Variants in SLC9B2 observed in about 807,000 individuals in gnomAD.
SLC9B2 encodes the protein sodium/hydrogen exchanger 9B2.
A neutral mutation model predicts 52.2 loss-of-function variants in SLC9B2; 39 were observed. The ratio of observed to expected loss-of-function variants is 0.75; its 90% CI spans 0.58 to 0.98. The LOEUF is 0.98. Ranked by LOEUF, SLC9B2 falls within the 50% of genes least tolerant of loss-of-function variation. The probability of loss-of-function intolerance (pLI) is 0.00; values close to 1 mark genes in which losing one functional copy is unlikely to be tolerated. For missense variants in SLC9B2, 626 were observed against 637.5 expected, an observed-to-expected ratio of 0.98 and a Z score of 0.19; for synonymous variants, 214 against 227.0, an observed-to-expected ratio of 0.94 and a Z score of 0.51.
rs201435735 is a variant in SLC9B2 at position 103,047,222 on chromosome 4, C to G, written c.718G>C (p.Val240Leu). 111 of 1,609,992 alleles carry G rather than the reference C, an allele frequency of 6.9e-5. No homozygotes were observed. Among genetic ancestry groups the G allele is most frequent in the East Asian group, 4.9e-4 (22 of 44,830 alleles). The change falls in exon 7 of 12, where the codon GTT becomes CTT. Residue 240 changes from valine to leucine, a missense_variant. Physicochemically the swap from Val to Leu is conservative, Grantham distance 32. Coordinates refer to ENST00000394785, the MANE Select transcript of SLC9B2 (RefSeq NM_178833.7). ...PWQWGFILGF[V>L]LGAVSPAVVV... is the part of the protein sequence containing the mutation. ...ACAGCTGGAGATACAGCACCTAAAA[C>G]AAAACTAGGCAGACAGCATTTTAAA...
chr4:103,020,148 T>A (rs1247948472), downstream of SLC9B2: 1 of 287,978 alleles, frequency 3.5e-6, no homozygotes, highest in Non-Finnish European at 6.8e-6. Context: ...AAGGACGCTG[T>A]GGTGGTGGTG....
chr4:103,053,175 C>T (rs931528548), intron 4 of SLC9B2, among the ~76,000 whole-genome samples: 5 of 152,012 alleles, frequency 3.3e-5, no homozygotes, highest in African/African-American at 9.7e-5. Flanking sequence ...AAAGGGAAGC[C>T]GTTTTCAAAT....
intron 1 of SLC9B2, among the ~76,000 whole-genome samples, chr4:103,075,754 G>A (rs72943181): frequency 1.9e-3 from 282 of 152,284 alleles, no homozygotes; most frequent in African/African-American, 6.6e-3. Context: ...AATATAAAAG[G>A]AGTTTGGGTT....
intron 1 of SLC9B2, among the ~76,000 whole-genome samples, chr4:103,071,629 A>T (rs1005448043): frequency 1.4e-4 from 21 of 151,834 alleles, no homozygotes; most frequent in Admixed American, 3.9e-4. Context: ...CACCTGCCTC[A>T]GCCTCCCAAA....
At chr4:103,031,908 G>T in intron 9 of SLC9B2, 100 bp from the exon 10 acceptor site, 1 of 1,186,498 alleles carries the variant, frequency 8.4e-7, no homozygotes, top group Non-Finnish European at 1.2e-6. Flanking sequence ...CCTGAGATAA[G>T]CTTTATTTCT....
chr4:103,019,997 C>T, downstream of SLC9B2: 1 of 901,684 alleles, frequency 1.1e-6, no homozygotes, highest in Non-Finnish European at 1.3e-6. Context: ...TGTGTTTCCC[C>T]TAAAGTCAGC....
chr4:103,045,981 A>G (rs1744086416), intron 7 of SLC9B2, among the ~76,000 whole-genome samples: 1 of 152,198 alleles, frequency 6.6e-6, no homozygotes, highest in Non-Finnish European at 1.5e-5. Flanking sequence ...AATTTGACTT[A>G]ATAGGTAAGA....
intron 4 of SLC9B2, among the ~76,000 whole-genome samples, chr4:103,057,420 C>G (rs559162343): frequency 2.0e-5 from 3 of 152,136 alleles, no homozygotes; most frequent in Middle Eastern, 3.4e-3. Flanking sequence ...CCTCCCACCT[C>G]AGCCTCCTGA....
chr4:103,018,782 C>G (rs1056554849), downstream of SLC9B2, among the ~76,000 whole-genome samples: 1 of 152,196 alleles, frequency 6.6e-6, no homozygotes, highest in Non-Finnish European at 1.5e-5. Flanking sequence ...TGGTCTAAAG[C>G]AGGGATCCCC....
chr4:103,062,260 A>G (rs573087825), intron 3 of SLC9B2, among the ~76,000 whole-genome samples: 24 of 152,088 alleles, frequency 1.6e-4, no homozygotes, highest in Admixed American at 6.5e-5. Flanking sequence ...GTCTCTACTA[A>G]ATACAAAAAT....
chr4:103,030,143 C>T (rs1166410403), intron 10 of SLC9B2, among the ~76,000 whole-genome samples: 2 of 152,078 alleles, frequency 1.3e-5, no homozygotes, highest in African/African-American at 2.4e-5. Context: ...GTTAACAGGA[C>T]ATACAAGTGG....
At chr4:103,058,026 T>C in intron 3 of SLC9B2, 55 bp from the exon 4 acceptor site, 1 of 1,434,092 alleles carries the variant, frequency 7.0e-7, no homozygotes, top group Non-Finnish European at 9.5e-7. Context: ...ATGGAGGTTT[T>C]GACAAAATCT....
intron 7 of SLC9B2, among the ~76,000 whole-genome samples, chr4:103,045,427 T>C (rs762632394): frequency 6.6e-6 from 1 of 152,188 alleles, no homozygotes; most frequent in African/African-American, 2.4e-5. Context: ...CTAGTTGTGA[T>C]AGTAGCATTA....
At chr4:103,039,418 T>C (rs543898628) in intron 9 of SLC9B2, among the ~76,000 whole-genome samples, 4 of 152,238 alleles carry the variant, frequency 2.6e-5, no homozygotes, top group Non-Finnish European at 5.9e-5. Context: ...AGCTGTAGTG[T>C]TGAGACTGGC....
At chr4:103,020,623 G>T (rs1741718593), downstream of SLC9B2, among the ~76,000 whole-genome samples, 1 of 151,986 alleles carries the variant, frequency 6.6e-6, no homozygotes, top group Admixed American at 6.6e-5. Flanking sequence ...ACTTAAATAC[G>T]AAATTATCTT....
rs886957783 is a variant in SLC9B2 at position 103,026,506 on chromosome 4, A to G, written c.1478T>C (p.Val493Ala). ...LEDYGMDVLT[V>A]AFLSILITAP... ...TGTGATGAGGATGGACAAAAATGCC[A>G]CTGTCAACACATCCATTCCATAGTC... is the stretch of plus-strand genomic sequence containing the variant. The change falls in exon 12 of 12, where the codon GTG (valine) becomes GCG (alanine). Residue 493 changes from valine to alanine, a missense_variant. By Grantham distance (64) the Val-to-Ala change is moderately conservative (BLOSUM62 0). Coordinates refer to ENST00000394785, the MANE Select transcript of SLC9B2 (RefSeq NM_178833.7). The G allele has an allele frequency of 8.7e-6, 14 of 1,613,846 alleles. No individual in the cohort carries two copies. Among genetic ancestry groups the G allele is most frequent in the Non-Finnish European group, 1.2e-5 (14 of 1,179,904 alleles).
At chr4:103,041,643 A>C (rs1743653376) in intron 9 of SLC9B2, among the ~76,000 whole-genome samples, 1 of 152,172 alleles carries the variant, frequency 6.6e-6, no homozygotes, top group South Asian at 2.1e-4. Context: ...CCTATCATTT[A>C]TGAATTTAGA....
chr4:103,019,410 G>A (rs966823148), downstream of SLC9B2, among the ~76,000 whole-genome samples: 2 of 152,232 alleles, frequency 1.3e-5, no homozygotes, highest in African/African-American at 4.8e-5. Context: ...AGTAAGGAAA[G>A]GAGTCACGGA....
chr4:103,022,244 C>T (rs1412869735), downstream of SLC9B2, among the ~76,000 whole-genome samples: 1 of 152,152 alleles, frequency 6.6e-6, no homozygotes, highest in Non-Finnish European at 1.5e-5. Flanking sequence ...GATTTTAAAA[C>T]AAGCTCCATG....
Sources: allele counts gnomAD v4.1 joint callset (sites outside exome capture counted in the v4.1 genomes callset), GRCh38; gene constraint gnomAD v4.1.1; transcripts MANE v1.5; gene names NCBI Gene and HGNC (gene_info 2026-07-23, HGNC 2026-07-21).